The following PACS1 variants were observed in gnomAD, a reference collection of about 807,000 sequenced individuals.
PACS1 encodes the protein phosphofurin acidic cluster sorting protein 1.
Under a neutral mutation model 115.0 loss-of-function variants are expected in PACS1, and 24 were observed. That is an observed-to-expected ratio of 0.21 (90% CI 0.15 to 0.29). The LOEUF is 0.29. PACS1 is among the 10% of genes least tolerant of loss of function. PACS1 has a pLI of 1.00. For synonymous variants in PACS1, 453 were observed against 504.5 expected (o/e 0.90, Z 1.37); for missense variants, 838 against 1,251.2 (o/e 0.67, Z 4.98).
In PACS1 at chr11:66,070,402, G is replaced by GGGCCC; in HGVS notation, c.-85_-84insGGCCC. Reference sequence around the variant, plus strand: ...GGGCAGGCGGGCTGAGGAGGCTGCCGCGCCCCCGCCGCCGCCGCCGCGGGG... The same window carrying GGGCCC: ...GGGCAGGCGGGCTGAGGAGGCTGCCGGGCCCCGCCCCCGCCGCCGCCGCCGCGGGG... On this transcript the variant is annotated 5_prime_UTR_variant, in exon 1 of 24. Transcript: ENST00000320580. The surrounding 1 kb of genome is among the most constrained non-coding windows in gnomAD (Gnocchi z 5.9). 1 of 831,892 alleles carries GGGCCC rather than the reference G, an allele frequency of 1.2e-6. No homozygotes were observed. The highest frequency in any genetic ancestry group is 1.6e-6 in the Non-Finnish European group (1 of 636,874). 51.5% of individuals were successfully genotyped at this position (831,892 alleles called of 1,614,324 possible). A position where few individuals can be genotyped will look rare whatever the true frequency, so the allele number is the denominator to read the frequency against.
At chr11:66,078,605 A>G (rs1015050493) in intron 1 of PACS1, among the ~76,000 whole-genome samples, 4 of 152,254 alleles carry the variant, frequency 2.6e-5, no homozygotes, top group Non-Finnish European at 5.9e-5. Flanking sequence ...ACTGGAATGC[A>G]GTGGCATGAA....
chr11:66,242,207 G>A (rs943625653), intron 22 of PACS1, among the ~76,000 whole-genome samples: 7 of 152,180 alleles, frequency 4.6e-5, no homozygotes, highest in African/African-American at 1.7e-4. Flanking sequence ...CCCATGGCTG[G>A]GCCAGTGCTG....
Position 66,220,777 on chromosome 11 carries a change from A to G in PACS1, c.1185A>G (p.Pro395=). 1 of 1,613,974 alleles carries G rather than the reference A, an allele frequency of 6.2e-7. No individual in the cohort carries two copies. The highest frequency in any genetic ancestry group is 1.1e-5 in the South Asian group (1 of 91,036). ...AGACAGAAAGCATCCTCAGCACGCC[A>G]AAGCCCAAGCTCAAGTGAGCCCCCC... ...MEETESILST[P]KPKLKPFFEG... is the part of the protein sequence containing the mutation. The change falls in exon 9 of 24, where the codon CCA becomes CCG. Residue 395 remains proline, a synonymous_variant. Transcript: ENST00000320580.
chr11:66,233,955 A>C lies in PACS1; in HGVS notation c.1993+16A>C. On this transcript the variant is annotated intron_variant, in intron 16 of 23. Coordinates refer to ENST00000320580, the MANE Select transcript of PACS1 (RefSeq NM_018026.4). The surrounding 1 kb of genome is among the most constrained non-coding windows in gnomAD (Gnocchi z 4.5). ...ATCCCCCTCGGTAAAGACGGGAGGC[A>C]CCAGGAGGGCGTCGGGCATGAGGGT... The C allele has an allele frequency of 6.4e-7, 1 of 1,567,828 alleles. No individual in the cohort carries two copies. The highest frequency in any genetic ancestry group is 8.7e-7 in the Non-Finnish European group (1 of 1,153,812).
rs1443083897 is a variant in PACS1 at position 66,196,485 on chromosome 11, G to A, written c.444+2912G>A. On this transcript the variant is annotated intron_variant, in intron 2 of 23. Coordinates refer to ENST00000320580, the MANE Select transcript of PACS1 (RefSeq NM_018026.4). ...GAACACCATTTTTACTTCAAAGAGG[G>A]ACTTCCAGACAAACAGGTTATTTAG... 3.9e-5 allele frequency among the ~76,000 whole-genome samples: 6 copies of A among 152,148 alleles called. No individual in the cohort carries two copies. In the East Asian group the frequency reaches 1.2e-3, roughly 29 times the overall value.
chr11:66,141,869 C>T (rs1268838376), intron 1 of PACS1, among the ~76,000 whole-genome samples: 1 of 151,494 alleles, frequency 6.6e-6, no homozygotes, highest in Non-Finnish European at 1.5e-5. Context: ...TGCAGTGGCA[C>T]ATCTCAGCTC....
At chr11:66,190,706 T>G (rs1182055459) in intron 1 of PACS1, among the ~76,000 whole-genome samples, 1 of 152,186 alleles carries the variant, frequency 6.6e-6, no homozygotes, top group African/African-American at 2.4e-5. Flanking sequence ...TGAACTGTAA[T>G]AATCCCTTTG....
intron 1 of PACS1, among the ~76,000 whole-genome samples, chr11:66,172,298 C>T (rs1247422996): frequency 6.6e-6 from 1 of 152,192 alleles, no homozygotes; most frequent in African/African-American, 2.4e-5. Context: ...GTGACTCACA[C>T]GCCCACACCG....
chr11:66,211,137 C>T lies in PACS1; in HGVS notation c.538C>T (p.Pro180Ser). ...GACTCTGTTTTGTATTTCGTAGTACCCTCATTTCCTTAAGCGAGATGCCAA... is the reference window on the plus strand; with the variant it reads ...GACTCTGTTTTGTATTTCGTAGTACTCTCATTTCCTTAAGCGAGATGCCAA... Reference protein sequence around the residue: ...ELQLTFSLQYPHFLKRDANKL... With the variant: ...ELQLTFSLQYSHFLKRDANKL... The change falls in exon 4 of 24, where the codon CCT becomes TCT. Residue 180 changes from proline (P) to serine (S), a missense_variant. By Grantham distance (74) the Pro-to-Ser change is moderately conservative. Around this residue, in one of 6 missense-constraint regions of PACS1, gnomAD observed 223 missense variants for 354.0 expected, o/e 0.63. Transcript: ENST00000320580. 6.2e-7 allele frequency: 1 copy of T among 1,613,528 alleles called. No homozygotes were observed. The highest frequency in any genetic ancestry group is 8.5e-7 in the Non-Finnish European group (1 of 1,179,608).
At chr11:66,153,873 A>G (rs1347904119) in intron 1 of PACS1, among the ~76,000 whole-genome samples, 5 of 152,196 alleles carry the variant, frequency 3.3e-5, no homozygotes, top group Non-Finnish European at 7.3e-5. Context: ...GCAAATGGAA[A>G]TTTACTGTTG....
Position 66,239,192 on chromosome 11 carries a change from C to A in PACS1, c.2344C>A (p.Pro782Thr). 6.2e-7 allele frequency: 1 copy of A among 1,614,174 alleles called. No individual in the cohort carries two copies. Among genetic ancestry groups the A allele is most frequent in the Non-Finnish European group, 8.5e-7 (1 of 1,180,030 alleles). ...VVSLTVPSTS[P>T]PSSSGLSRDA... Reference sequence around the variant, plus strand: ...CAGCCTTACTGTGCCCTCCACATCACCACCCTCCAGCTCGGGCCTGAGCCG... The same window carrying A: ...CAGCCTTACTGTGCCCTCCACATCAACACCCTCCAGCTCGGGCCTGAGCCG... The change falls in exon 21 of 24, where the codon CCA (proline) becomes ACA (threonine). Residue 782 changes from proline to threonine, a missense_variant. This residue lies in a region of PACS1 where 383 missense variants were observed against 537.0 expected (regional missense o/e 0.71). Coordinates refer to ENST00000320580, the MANE Select transcript of PACS1 (RefSeq NM_018026.4).
chr11:66,073,004 T>C (rs1857337168), intron 1 of PACS1, among the ~76,000 whole-genome samples: 1 of 152,260 alleles, frequency 6.6e-6, no homozygotes, highest in African/African-American at 2.4e-5. Flanking sequence ...TGTATAATTA[T>C]TATGCTAACT....
At chr11:66,210,482 A>T in intron 3 of PACS1, 31 bp downstream of exon 3, 4 of 1,450,418 alleles carry the variant, frequency 2.8e-6, no homozygotes, top group Non-Finnish European at 3.9e-6. Context: ...GGCCCCTAAC[A>T]TGCTATATCC....
rs1335973102 is a variant in PACS1 at position 66,235,399 on chromosome 11, A to G, written c.2203A>G (p.Lys735Glu). The change falls in exon 18 of 24, where the codon AAG becomes GAG. Residue 735 changes from lysine (K) to glutamate (E), a missense_variant. This residue lies in a region of PACS1 where 383 missense variants were observed against 537.0 expected (regional missense o/e 0.71). Transcript: ENST00000320580. The surrounding 1 kb of genome is among the most constrained non-coding windows in gnomAD (Gnocchi z 5.6). ...VAEAMLTCRH[K>E]FPDEDSYQKF... ...CGAAGCCATGCTGACTTGCCGGCATAAGTTGTAAGTTTGACTTTGAGGGGT... is the reference window on the plus strand; with the variant it reads ...CGAAGCCATGCTGACTTGCCGGCATGAGTTGTAAGTTTGACTTTGAGGGGT... 6.2e-7 allele frequency: 1 copy of G among 1,611,432 alleles called. No homozygotes were observed. The highest frequency in any genetic ancestry group is 2.2e-5 in the East Asian group (1 of 44,834).
intron 1 of PACS1, among the ~76,000 whole-genome samples, chr11:66,177,933 T>A (rs905868138): frequency 1.3e-5 from 2 of 152,022 alleles, no homozygotes; most frequent in African/African-American, 4.8e-5. Flanking sequence ...AGCACAATAG[T>A]CCATAATGGA....
intron 1 of PACS1, among the ~76,000 whole-genome samples, chr11:66,172,908 G>A (rs977395459): frequency 2.0e-5 from 3 of 150,304 alleles, no homozygotes; most frequent in Non-Finnish European, 3.0e-5. Context: ...CCCGGGAGGC[G>A]GAGGTTGTAG....
At chr11:66,210,917 C>G (rs767113803) in intron 3 of PACS1, among the ~76,000 whole-genome samples, 2 of 152,158 alleles carry the variant, frequency 1.3e-5, no homozygotes, top group African/African-American at 2.4e-5. Flanking sequence ...AGAGACAGTT[C>G]TCTGAATAGG....
intron 2 of PACS1, among the ~76,000 whole-genome samples, chr11:66,207,461 T>C (rs1329097176): frequency 6.6e-6 from 1 of 152,230 alleles, no homozygotes; most frequent in African/African-American, 2.4e-5. Context: ...AGCAAGACTC[T>C]ATCTAAAATA....
intron 1 of PACS1, among the ~76,000 whole-genome samples, chr11:66,117,771 A>G (rs1417566946): frequency 1.3e-5 from 2 of 151,998 alleles, no homozygotes; most frequent in African/African-American, 2.4e-5. Context: ...GCTTGAACCC[A>G]GGAGGTGAGG....
Sources: allele counts gnomAD v4.1 joint callset (sites outside exome capture counted in the v4.1 genomes callset), GRCh38; gene constraint gnomAD v4.1.1; regional missense constraint gnomAD v4.1.1; non-coding constraint Gnocchi (gnomAD v3.1); transcripts MANE v1.5; gene names NCBI Gene and HGNC (gene_info 2026-07-23, HGNC 2026-07-21).